Variants in PTPRD observed in about 807,000 individuals in gnomAD.
The protein encoded by PTPRD is protein tyrosine phosphatase receptor type D, also known as receptor-type tyrosine-protein phosphatase delta.
A neutral mutation model predicts 214.5 loss-of-function variants in PTPRD; 34 were observed. The observed-to-expected ratio is 0.16, with a 90% CI of 0.12 to 0.21. The LOEUF is 0.21. PTPRD is among the 10% of genes least tolerant of loss of function. The pLI, the probability that PTPRD is intolerant of heterozygous loss-of-function variation, is 1.00. For synonymous variants in PTPRD, 1,128 were observed against 845.7 expected, an observed-to-expected ratio of 1.33 and a Z score of -5.79; for missense variants, 2,545 against 2,398.7, an observed-to-expected ratio of 1.06 and a Z score of -1.27.
Position 9,938,579 on chromosome 9 carries a change from G to A in PTPRD, c.-440C>T, listed in dbSNP as rs561208586. On this transcript the variant is annotated 5_prime_UTR_variant, in exon 5 of 46. Coordinates refer to ENST00000381196, the MANE Select transcript of PTPRD (RefSeq NM_002839.4). ...CAGACACCTCTAACTGGAATATCAC[G>A]GGCCAGGAACTGCTTGCCTTTTATT... 2 of 152,088 alleles carry A rather than the reference G, an allele frequency of 1.3e-5. No individual in the cohort carries two copies. The highest frequency in any genetic ancestry group is 1.9e-4 in the East Asian group (1 of 5,148). The allele number at this position is 152,088 out of a possible 1,614,324, so 9.4% of individuals were successfully genotyped here.
chr9:9,525,336 T>A (rs1264621725), intron 8 of PTPRD, among the ~76,000 whole-genome samples: 2 of 152,284 alleles, frequency 1.3e-5, no homozygotes, highest in Non-Finnish European at 2.9e-5. Flanking sequence ...CCCAGACCAT[T>A]ATATTTCAAC....
chr9:9,900,673 T>C (rs530628810), intron 5 of PTPRD, among the ~76,000 whole-genome samples: 1 of 147,442 alleles, frequency 6.8e-6, no homozygotes, highest in South Asian at 2.1e-4. Context: ...AGTCTTGCTC[T>C]GTTGCCAGGC....
intron 5 of PTPRD, among the ~76,000 whole-genome samples, chr9:9,787,767 T>TTTTA (rs1242181012): frequency 6.6e-6 from 1 of 150,410 alleles, no homozygotes; most frequent in Non-Finnish European, 1.5e-5. Context: ...TATATCAATT[T>TTTTA]TTTATTTATT....
At chr9:9,967,714 T>G (rs1449688328) in intron 4 of PTPRD, among the ~76,000 whole-genome samples, 1 of 152,184 alleles carries the variant, frequency 6.6e-6, no homozygotes, top group African/African-American at 2.4e-5. Flanking sequence ...AGTTTTGGTT[T>G]GCAATGTGCT....
intron 11 of PTPRD, among the ~76,000 whole-genome samples, chr9:8,816,423 A>C (rs902451039): frequency 6.6e-6 from 1 of 152,200 alleles, no homozygotes; most frequent in Non-Finnish European, 1.5e-5. Flanking sequence ...CAAGACACAA[A>C]GTTGACCCTG....
intron 35 of PTPRD, among the ~76,000 whole-genome samples, chr9:8,431,852 T>G (rs985806177): frequency 6.6e-6 from 1 of 152,208 alleles, no homozygotes; most frequent in African/African-American, 2.4e-5. Context: ...TAAAATGAGT[T>G]AGGGAGGAGT....
chr9:8,760,163 T>G (rs1707248889), intron 11 of PTPRD, among the ~76,000 whole-genome samples: 1 of 152,186 alleles, frequency 6.6e-6, no homozygotes. Context: ...ACTCCTGACC[T>G]CAGGTGATCC....
chr9:10,226,365 T>C (rs982410559), intron 3 of PTPRD, among the ~76,000 whole-genome samples: 1 of 151,998 alleles, frequency 6.6e-6, no homozygotes, highest in African/African-American at 2.4e-5. Context: ...CAATGGAATA[T>C]AGTCCTCCCT....
intron 7 of PTPRD, among the ~76,000 whole-genome samples, chr9:9,687,788 G>T (rs192074794): frequency 1.7e-3 from 258 of 151,666 alleles, no homozygotes; most frequent in African/African-American, 6.0e-3. Flanking sequence ...CCTCCTTCAG[G>T]TCTACTTATG....
intron 39 of PTPRD, among the ~76,000 whole-genome samples, chr9:8,371,131 T>A (rs568368998): frequency 3.3e-5 from 5 of 152,008 alleles, no homozygotes; most frequent in African/African-American, 1.2e-4. Context: ...ACATGAAATG[T>A]AGAGTGGTAG....
chr9:9,872,884 T>C (rs1308464581), intron 5 of PTPRD, among the ~76,000 whole-genome samples: 1 of 152,144 alleles, frequency 6.6e-6, no homozygotes, highest in Non-Finnish European at 1.5e-5. Flanking sequence ...ACAGCCTATA[T>C]TCAATCATAT....
intron 10 of PTPRD, among the ~76,000 whole-genome samples, chr9:9,072,600 G>C (rs1318030683): frequency 6.6e-6 from 1 of 152,070 alleles, no homozygotes; most frequent in African/African-American, 2.4e-5. Context: ...CATCTACAGA[G>C]CACCTCTTAT....
intron 7 of PTPRD, among the ~76,000 whole-genome samples, chr9:9,589,754 C>A (rs2092516690): frequency 6.6e-6 from 1 of 151,972 alleles, no homozygotes; most frequent in South Asian, 2.1e-4. Context: ...ATTGGGTATG[C>A]ATCCTAATTT....
intron 6 of PTPRD, among the ~76,000 whole-genome samples, chr9:9,762,782 A>C (rs952887566): frequency 6.6e-6 from 1 of 152,204 alleles, no homozygotes; most frequent in Non-Finnish European, 1.5e-5. Flanking sequence ...CAGATTTTTT[A>C]GGTATTATTC....
chr9:10,016,393 A>AGACAGATAGG lies in PTPRD; in HGVS notation c.-472+17324_-472+17325insCCTATCTGTC, dbSNP rs1555471279. ...GATAGATAGATAGATAGATAGATAG[A>AGACAGATAGG]TAGACAGATAGATAGGGAAATTCTT... On this transcript the variant is annotated intron_variant, in intron 4 of 45. Transcript: ENST00000381196. Among the ~76,000 whole-genome samples, 200 of 150,010 alleles carry AGACAGATAGG rather than the reference A, an allele frequency of 1.3e-3. 2 individuals are homozygous for AGACAGATAGG. The highest frequency in any genetic ancestry group is 3.6e-3 in the Admixed American group (55 of 15,122).
chr9:9,139,890 A>G (rs187765515), intron 10 of PTPRD, among the ~76,000 whole-genome samples: 1 of 152,164 alleles, frequency 6.6e-6, no homozygotes, highest in Non-Finnish European at 1.5e-5. Flanking sequence ...CAGACTAATT[A>G]GTGTAAAAAT....
chr9:9,718,987 T>C (rs1335840416), intron 7 of PTPRD, among the ~76,000 whole-genome samples: 1 of 152,172 alleles, frequency 6.6e-6, no homozygotes, highest in Non-Finnish European at 1.5e-5. Flanking sequence ...AGGGATGACC[T>C]GAAGCCTGGG....
intron 10 of PTPRD, among the ~76,000 whole-genome samples, chr9:9,119,404 A>G (rs373708444): frequency 2.2e-4 from 34 of 152,312 alleles, no homozygotes; most frequent in African/African-American, 6.5e-4. Flanking sequence ...ATATATTTAC[A>G]TGAAACTCTA....
chr9:8,316,840 A>G lies in PTPRD; in HGVS notation c.*1034T>C. ...GTCAAAAAATTAAGAATAAATGGAAAGAGATGTTTACAATAGCTTTTCTAC... is the reference window on the plus strand; with the variant it reads ...GTCAAAAAATTAAGAATAAATGGAAGGAGATGTTTACAATAGCTTTTCTAC... On this transcript the variant is annotated 3_prime_UTR_variant, in exon 46 of 46. Transcript: ENST00000381196. The G allele has an allele frequency of 4.3e-6, 1 of 231,118 alleles. No homozygotes were observed. Among genetic ancestry groups the G allele is most frequent in the Middle Eastern group, 1.3e-3 (1 of 774 alleles). The allele number at this position is 231,118 out of a possible 1,614,324, so 14.3% of individuals were successfully genotyped here.
Sources: allele counts gnomAD v4.1 joint callset (sites outside exome capture counted in the v4.1 genomes callset), GRCh38; gene constraint gnomAD v4.1.1; transcripts MANE v1.5; gene names NCBI Gene and HGNC (gene_info 2026-07-23, HGNC 2026-07-21).